Variants in NRK observed in about 807,000 individuals in gnomAD.
NRK encodes the protein Nik related kinase.
Under a neutral mutation model 125.2 loss-of-function variants are expected in NRK, and 67 were observed. The observed-to-expected ratio is 0.54, with a 90% CI of 0.44 to 0.66. The LOEUF is 0.66. NRK is among the 30% of genes least tolerant of loss of function. The pLI is 0.00. For synonymous variants in NRK, 458 were observed against 429.0 expected (o/e 1.07, Z -0.84); for missense variants, 1,224 against 1,192.9 (o/e 1.03, Z -0.38).
intron 2 of NRK, among the ~76,000 whole-genome samples, chrX:105,865,626 A>G (rs1283317591): frequency 9.0e-6 from 1 of 111,404 alleles, no homozygotes; most frequent in Admixed American, 9.6e-5. Flanking sequence ...CTGAGCTGCT[A>G]TTTATGTAAA....
Position 105,923,115 on chromosome X carries a change from C to G in NRK, c.2611-3C>G. On this transcript the variant is annotated splice_polypyrimidine_tract_variant and splice_region_variant and intron_variant, in intron 17 of 28. Coordinates refer to ENST00000243300, the MANE Select transcript of NRK (RefSeq NM_198465.4). Reference sequence around the variant, plus strand: ...GCTACATTAACCTTTCTTGTGCACACAGGTTCCAGATGGATTTAAAGTAGG... The same window carrying G: ...GCTACATTAACCTTTCTTGTGCACAGAGGTTCCAGATGGATTTAAAGTAGG... The G allele has an allele frequency of 8.4e-7, 1 of 1,191,979 alleles. No homozygotes were observed. Among genetic ancestry groups the G allele is most frequent in the Non-Finnish European group, 1.1e-6 (1 of 882,831 alleles).
chrX:105,887,419 G>T (rs2039961612), intron 4 of NRK, among the ~76,000 whole-genome samples: 2 of 111,960 alleles, frequency 1.8e-5, no homozygotes, highest in South Asian at 7.4e-4. Flanking sequence ...TAATAAAACA[G>T]AAAATAGCAA....
intron 2 of NRK, among the ~76,000 whole-genome samples, chrX:105,837,523 G>T (rs966014086): frequency 9.0e-6 from 1 of 111,277 alleles, no homozygotes; most frequent in East Asian, 2.8e-4. Context: ...TGAAATGAAG[G>T]CTGAGTCTCA....
rs2039868201 is a variant in NRK at position 105,880,220 on chromosome X, G to A, written c.145G>A (p.Ala49Thr). The change falls in exon 3 of 29, where the codon GCA (alanine) becomes ACA (threonine). Residue 49 changes from alanine (A) to threonine (T), a missense_variant. Physicochemically the swap from Ala to Thr is moderately conservative, Grantham distance 58. Coordinates refer to ENST00000243300, the MANE Select transcript of NRK (RefSeq NM_198465.4). ...IYLGLHEKTG[A>T]FTAVKVMNAR... Reference sequence around the variant, plus strand: ...TCAGGGACTTCATGAGAAGACTGGTGCATTTACAGCTGTTAAAGTGATGAA... The same window carrying A: ...TCAGGGACTTCATGAGAAGACTGGTACATTTACAGCTGTTAAAGTGATGAA... The A allele has an allele frequency of 3.7e-6, 4 of 1,086,707 alleles. No individual in the cohort carries two copies. Among genetic ancestry groups the A allele is most frequent in the Non-Finnish European group, 4.9e-6 (4 of 812,296 alleles). The allele number at this position is 1,086,707 out of a possible 1,213,427, so 89.6% of individuals were successfully genotyped here.
At chrX:105,844,270 T>C (rs1282808902) in intron 2 of NRK, among the ~76,000 whole-genome samples, 1 of 110,371 alleles carries the variant, frequency 9.1e-6, no homozygotes. Flanking sequence ...TTAAAAGAAG[T>C]GTGAAGTAGA....
intron 2 of NRK, among the ~76,000 whole-genome samples, chrX:105,863,357 C>CACACACACACAT (rs372176349): frequency 0.03 from 3,230 of 106,451 alleles, 143 homozygotes; most frequent in African/African-American, 0.11. Context: ...CACACACACA[C>CACACACACACAT]ATACTATTTT....
At chrX:105,924,506 T>G (rs779256371) in intron 18 of NRK, among the ~76,000 whole-genome samples, 189 bp from the exon 19 acceptor site, 12 of 111,972 alleles carry the variant, frequency 1.1e-4, no homozygotes, top group Non-Finnish European at 2.1e-4. Flanking sequence ...CTTTAATCAT[T>G]ACATAAGACT....
At chrX:105,887,129 A>G (rs2039957477) in intron 4 of NRK, among the ~76,000 whole-genome samples, 2 of 112,424 alleles carry the variant, frequency 1.8e-5, no homozygotes, top group African/African-American at 6.5e-5. Context: ...AAAGGTCACT[A>G]TCAAGACAGT....
chrX:105,859,670 T>C (rs2039576924), intron 2 of NRK, among the ~76,000 whole-genome samples: 1 of 112,276 alleles, frequency 8.9e-6, no homozygotes, highest in African/African-American at 3.2e-5. Context: ...AATATATTAA[T>C]ACAATGCTTT....
In NRK at chrX:105,909,706, T is replaced by G; in HGVS notation, c.2065T>G (p.Ser689Ala). 1 of 1,184,502 alleles carries G rather than the reference T, an allele frequency of 8.4e-7. No individual in the cohort carries two copies. The highest frequency in any genetic ancestry group is 1.1e-6 in the Non-Finnish European group (1 of 881,068). ...GGCACGGGAGAAAAAATCAAAAGTTTCTACTCTGAGGCAAGCACTGGCAAA... is the reference window on the plus strand; with the variant it reads ...GGCACGGGAGAAAAAATCAAAAGTTGCTACTCTGAGGCAAGCACTGGCAAA... ...EQAREKKSKV[S>A]TLRQALAKRL... The change falls in exon 13 of 29, where the codon TCT becomes GCT. Residue 689 changes from serine to alanine, a missense_variant. Transcript: ENST00000243300.
intron 24 of NRK, among the ~76,000 whole-genome samples, chrX:105,944,509 TC>T (rs1392004469): frequency 9.0e-6 from 1 of 111,507 alleles, no homozygotes; most frequent in Non-Finnish European, 1.9e-5. Flanking sequence ...TTATAGGACC[TC>T]CCCACCAGCG....
At chrX:105,827,607 C>T (rs1047619572) in intron 1 of NRK, among the ~76,000 whole-genome samples, 7 of 111,552 alleles carry the variant, frequency 6.3e-5, no homozygotes, top group African/African-American at 2.0e-4. Context: ...GAGACAGAAA[C>T]GACTCCCCAG....
chrX:105,909,325 C>G lies in NRK; in HGVS notation c.1684C>G (p.Gln562Glu). The change falls in exon 13 of 29, where the codon CAG becomes GAG. Residue 562 changes from glutamine (Q) to glutamate (E), a missense_variant. Coordinates refer to ENST00000243300, the MANE Select transcript of NRK (RefSeq NM_198465.4). ...QNQAPEQPEV[Q>E]EQAAEPAQAE... ...CCAGGCACCTGAACAGCCAGAGGTA[C>G]AGGAACAGGCTGCCGAGCCTGCACA... 1.7e-6 allele frequency: 2 copies of G among 1,205,600 alleles called. No homozygotes were observed. The highest frequency in any genetic ancestry group is 2.2e-6 in the Non-Finnish European group (2 of 891,776).
At chrX:105,933,166 GTCTATCTATCTATCTA>G (rs145260404) in intron 19 of NRK, among the ~76,000 whole-genome samples, 45 of 101,169 alleles carry the variant, frequency 4.4e-4, no homozygotes, top group East Asian at 9.9e-4. Flanking sequence ...ATCTATGTCT[GTCTATCTATCTATCTA>G]TCTATCTATC....
At chrX:105,904,511 G>T (rs1944889771) in intron 9 of NRK, among the ~76,000 whole-genome samples, 2 of 111,553 alleles carry the variant, frequency 1.8e-5, no homozygotes, top group African/African-American at 6.5e-5. Context: ...CTTTTGAGGG[G>T]ATTTTAAAAA....
At chrX:105,913,869 G>C (rs2147754709) in intron 14 of NRK, among the ~76,000 whole-genome samples, 1 of 110,876 alleles carries the variant, frequency 9.0e-6, no homozygotes, top group African/African-American at 3.3e-5. Flanking sequence ...ACAATTATAA[G>C]AATAATTAAG....
Position 105,953,031 on chromosome X carries a change from T to C in NRK, c.4514-3T>C. The stretch of plus-strand genomic sequence containing the variant: ...TTCTGATTTTTTTTCATTTGTATTG[T>C]AGCTTTTGAATGTACACAGCGAACC... On this transcript the variant is annotated splice_polypyrimidine_tract_variant and splice_region_variant and intron_variant, in intron 27 of 28. Coordinates refer to ENST00000243300, the MANE Select transcript of NRK (RefSeq NM_198465.4). 8.8e-7 allele frequency: 1 copy of C among 1,135,807 alleles called. No homozygotes were observed. Among genetic ancestry groups the C allele is most frequent in the Non-Finnish European group, 1.2e-6 (1 of 850,419 alleles). 93.6% of individuals were successfully genotyped at this position (1,135,807 alleles called of 1,213,427 possible). A position where few individuals can be genotyped will look rare whatever the true frequency, so the allele number is the denominator to read the frequency against.
chrX:105,864,554 A>G (rs1477160463), intron 2 of NRK, among the ~76,000 whole-genome samples: 1 of 111,781 alleles, frequency 8.9e-6, no homozygotes, highest in Non-Finnish European at 1.9e-5. Flanking sequence ...ATTAATATAT[A>G]CATCTTAAGT....
chrX:105,945,253 G>A (rs368314682), intron 24 of NRK, among the ~76,000 whole-genome samples: 1 of 111,670 alleles, frequency 9.0e-6, no homozygotes, highest in African/African-American at 3.3e-5. Flanking sequence ...CCATAGACAG[G>A]TTTTAACAAA....
Sources: gnomAD v4.1 joint callset for allele counts (sites outside exome capture counted in the v4.1 genomes callset) on GRCh38, gnomAD v4.1.1 for gene constraint, MANE v1.5 for transcripts, NCBI Gene and HGNC (gene_info 2026-07-23, HGNC 2026-07-21) for gene names.